DPP6: variants seen among roughly 807,000 people sequenced by gnomAD.
DPP6 encodes dipeptidyl peptidase like 6.
Under a neutral mutation model 122.6 loss-of-function variants are expected in DPP6, and 69 were observed. The observed-to-expected ratio is 0.56, with a 90% CI of 0.46 to 0.69. The LOEUF (loss-of-function observed/expected upper bound fraction) is 0.69. Among genes scored for constraint, DPP6 ranks in the 30% least tolerant of loss-of-function variants. The pLI, the probability that DPP6 is intolerant of heterozygous loss-of-function variation, is 0.00. For missense variants in DPP6, 928 were observed against 1,116.9 expected (o/e 0.83, Z 2.41); for synonymous variants, 418 against 433.1 (o/e 0.97, Z 0.43).
intron 3 of DPP6, among the ~76,000 whole-genome samples, chr7:154,529,638 C>G (rs1827682242): frequency 1.3e-5 from 2 of 152,148 alleles, no homozygotes; most frequent in South Asian, 4.1e-4. Context: ...TAACTATCCT[C>G]AACGAATTAA....
At chr7:154,180,818 A>G (rs1266984635) in intron 1 of DPP6, among the ~76,000 whole-genome samples, 1 of 152,142 alleles carries the variant, frequency 6.6e-6, no homozygotes, top group Non-Finnish European at 1.5e-5. Flanking sequence ...TTTTCTCCAC[A>G]GTTTGTTTCC....
At chr7:153,997,602 C>CACACACACACACACACAT (rs1554430199) in intron 1 of DPP6, among the ~76,000 whole-genome samples, 1 of 150,942 alleles carries the variant, frequency 6.6e-6, no homozygotes, top group Admixed American at 6.6e-5. Context: ...AGCACACACA[C>CACACACACACACACACAT]ACACACACAC....
At chr7:153,913,351 G>A (rs1379766772) in intron 1 of DPP6, among the ~76,000 whole-genome samples, 1 of 152,156 alleles carries the variant, frequency 6.6e-6, no homozygotes, top group Admixed American at 6.5e-5. Flanking sequence ...GGGATTACAG[G>A]CGTGAGCCAC....
At chr7:154,305,990 A>C (rs1806305891) in intron 1 of DPP6, among the ~76,000 whole-genome samples, 1 of 152,308 alleles carries the variant, frequency 6.6e-6, no homozygotes, top group East Asian at 1.9e-4. Flanking sequence ...ACCCTCCAAC[A>C]GGACTTTGCT....
intron 7 of DPP6, among the ~76,000 whole-genome samples, chr7:154,724,798 G>A (rs952583472): frequency 1.1e-4 from 16 of 152,208 alleles, no homozygotes; most frequent in South Asian, 2.1e-4. Flanking sequence ...AGTATTTAAC[G>A]GGGACAGAGT....
chr7:154,656,197 A>G (rs1414392620), intron 6 of DPP6, among the ~76,000 whole-genome samples: 1 of 137,114 alleles, frequency 7.3e-6, no homozygotes, highest in Non-Finnish European at 1.6e-5. Flanking sequence ...GAGAAGGGGC[A>G]GTCGAGAGGG....
chr7:154,294,918 A>G (rs1034097042), intron 1 of DPP6, among the ~76,000 whole-genome samples: 1 of 152,196 alleles, frequency 6.6e-6, no homozygotes, highest in African/African-American at 2.4e-5. Flanking sequence ...AGCCGTTAAA[A>G]AAACATAAAC....
intron 3 of DPP6, among the ~76,000 whole-genome samples, chr7:154,496,795 A>G (rs760359635): frequency 6.6e-6 from 1 of 152,232 alleles, no homozygotes; most frequent in Non-Finnish European, 1.5e-5. Context: ...GTCACTTCAT[A>G]ACATAGAAGT....
intron 1 of DPP6, among the ~76,000 whole-genome samples, chr7:153,898,590 A>C (rs530260789): frequency 2.0e-5 from 3 of 152,354 alleles, no homozygotes; most frequent in African/African-American, 7.2e-5. Flanking sequence ...TATAATTATT[A>C]TGTATCAACA....
Position 154,892,490 on chromosome 7 carries a change from G to C in DPP6, c.*10G>C. ...CGAGGAGGAGGACTAAGCTCAGGTC[G>C]CTCTAAGCACAAACGTGGCTCTTTC... is the stretch of plus-strand genomic sequence containing the variant. On this transcript the variant is annotated 3_prime_UTR_variant, in exon 26 of 26. Coordinates refer to ENST00000377770, the MANE Select transcript of DPP6 (RefSeq NM_130797.4). 6.2e-7 allele frequency: 1 copy of C among 1,613,538 alleles called. No homozygotes were observed. Among genetic ancestry groups the C allele is most frequent in the South Asian group, 1.1e-5 (1 of 91,032 alleles).
the DPP6 span, among the ~76,000 whole-genome samples, chr7:153,875,834 G>A: frequency 6.8e-6 from 1 of 146,034 alleles, no homozygotes; most frequent in Non-Finnish European, 1.5e-5. Context: ...CAAATGGATT[G>A]AATACTCAGA....
chr7:153,971,854 G>A (rs1332954772), intron 1 of DPP6, among the ~76,000 whole-genome samples: 1 of 144,042 alleles, frequency 6.9e-6, no homozygotes, highest in Non-Finnish European at 1.5e-5. Flanking sequence ...GGAACTCTGG[G>A]CTTTGTGTCC....
chr7:154,697,899 A>T (rs1001948145), intron 7 of DPP6, among the ~76,000 whole-genome samples: 1 of 152,180 alleles, frequency 6.6e-6, no homozygotes, highest in Non-Finnish European at 1.5e-5. Flanking sequence ...ACAGCTTAGG[A>T]TGGTGGCATA....
chr7:154,099,519 C>T (rs554406820), intron 1 of DPP6, among the ~76,000 whole-genome samples: 5 of 151,974 alleles, frequency 3.3e-5, no homozygotes, highest in East Asian at 1.9e-4. Context: ...CAAGAGGTCA[C>T]GTTGCAAAGT....
intron 5 of DPP6, among the ~76,000 whole-genome samples, chr7:154,633,969 C>G (rs2130908975): frequency 6.7e-6 from 1 of 149,782 alleles, no homozygotes; most frequent in East Asian, 2.0e-4. Flanking sequence ...TTCTCTATTT[C>G]TTGACTTTAT....
chr7:154,566,712 C>A, intron 4 of DPP6, 130 bp from the exon 5 acceptor site: 4 of 591,028 alleles, frequency 6.8e-6, no homozygotes, highest in Admixed American at 3.5e-5. Flanking sequence ...ATTCAGCTAA[C>A]AAAGAAAGGA....
intron 6 of DPP6, among the ~76,000 whole-genome samples, chr7:154,658,213 A>C (rs1262871336): frequency 6.6e-6 from 1 of 152,240 alleles, no homozygotes; most frequent in East Asian, 1.9e-4. Context: ...TTGGTTTATC[A>C]ATTATACCAC....
intron 1 of DPP6, among the ~76,000 whole-genome samples, chr7:154,307,642 A>T (rs1806470042): frequency 6.6e-6 from 1 of 152,068 alleles, no homozygotes; most frequent in South Asian, 2.1e-4. Flanking sequence ...GAGGTAAATA[A>T]CCTCCTAAAA....
At chr7:154,454,805 T>C (rs1046779599) in intron 2 of DPP6, among the ~76,000 whole-genome samples, 2 of 152,162 alleles carry the variant, frequency 1.3e-5, no homozygotes, top group Admixed American at 6.5e-5. Context: ...ACATAAACAT[T>C]TGGATATGTT....
Sources: allele counts gnomAD v4.1 joint callset (sites outside exome capture counted in the v4.1 genomes callset), GRCh38; gene constraint gnomAD v4.1.1; transcripts MANE v1.5; gene names NCBI Gene and HGNC (gene_info 2026-07-23, HGNC 2026-07-21).